Variants in SUSD6 observed in about 807,000 individuals in gnomAD.
SUSD6 encodes sushi domain-containing protein 6.
Under a neutral mutation model 28.4 loss-of-function variants are expected in SUSD6, and 16 were observed. That is an observed-to-expected ratio of 0.56 (90% CI 0.38 to 0.86). SUSD6 has a LOEUF of 0.86. Among genes scored for constraint, SUSD6 ranks in the 40% least tolerant of loss-of-function variants. SUSD6 has a pLI of 0.00. For missense variants in SUSD6, 341 were observed against 384.2 expected (o/e 0.89, Z 0.94); for synonymous variants, 147 against 159.6 (o/e 0.92, Z 0.59).
intron 2 of SUSD6, among the ~76,000 whole-genome samples, chr14:69,667,176 T>C (rs182553409): frequency 6.6e-6 from 1 of 152,300 alleles, no homozygotes; most frequent in East Asian, 1.9e-4. Flanking sequence ...AGGATCAGCC[T>C]GTCAGTGTTT....
chr14:69,631,173 CAT>C (rs1885187317), intron 1 of SUSD6, among the ~76,000 whole-genome samples: 1 of 152,232 alleles, frequency 6.6e-6, no homozygotes, highest in South Asian at 2.1e-4. Flanking sequence ...TCAGCCCTCA[CAT>C]GTGCATGTTC....
chr14:69,708,976 A>C lies in SUSD6; in HGVS notation c.758A>C (p.His253Pro), dbSNP rs141133164. 207 of 1,614,076 alleles carry C rather than the reference A, an allele frequency of 1.3e-4. No individual in the cohort carries two copies. The highest frequency in any genetic ancestry group is 1.6e-4 in the Non-Finnish European group (192 of 1,180,044). Reference sequence around the variant, plus strand: ...CGGGCCTCAGAGACTGTGATGGTGCATCAGGCAACCACCTCTTCCTGGGTG... The same window carrying C: ...CGGGCCTCAGAGACTGTGATGGTGCCTCAGGCAACCACCTCTTCCTGGGTG... ...GSRASETVMV[H>P]QATTSSWVAG... The change falls in exon 5 of 6, where the codon CAT becomes CCT. Residue 253 changes from histidine to proline, a missense_variant. Coordinates refer to ENST00000342745, the MANE Select transcript of SUSD6 (RefSeq NM_014734.4).
chr14:69,641,069 A>G (rs1885344578), intron 1 of SUSD6, among the ~76,000 whole-genome samples: 1 of 152,250 alleles, frequency 6.6e-6, no homozygotes, highest in Admixed American at 6.5e-5. Flanking sequence ...TAGTGATGGA[A>G]TGGAGCCTCC....
chr14:69,649,978 A>G (rs1347181091), intron 1 of SUSD6, among the ~76,000 whole-genome samples: 1 of 152,228 alleles, frequency 6.6e-6, no homozygotes, highest in African/African-American at 2.4e-5. Flanking sequence ...GTATGTGTAT[A>G]TTCCCTTAGT....
At chr14:69,640,091 G>C (rs997984467) in intron 1 of SUSD6, among the ~76,000 whole-genome samples, 5 of 149,198 alleles carry the variant, frequency 3.4e-5, no homozygotes, top group Non-Finnish European at 5.9e-5. Context: ...GAGGAACCAC[G>C]AAACTATTAA....
chr14:69,649,777 T>G (rs1466794423), intron 1 of SUSD6, among the ~76,000 whole-genome samples: 2 of 152,306 alleles, frequency 1.3e-5, no homozygotes, highest in African/African-American at 4.8e-5. Context: ...GAGCCTTCCA[T>G]GCCTTTGGGC....
chr14:69,615,198 C>G (rs1225228942), intron 1 of SUSD6, among the ~76,000 whole-genome samples: 2 of 152,072 alleles, frequency 1.3e-5, no homozygotes, highest in Non-Finnish European at 2.9e-5. Flanking sequence ...GGGACAAATG[C>G]AAAACTAGGG....
At chr14:69,672,244 C>T (rs1041175531) in intron 2 of SUSD6, among the ~76,000 whole-genome samples, 19 of 152,256 alleles carry the variant, frequency 1.2e-4, no homozygotes, top group East Asian at 1.9e-4. Context: ...AAAGCTTGGA[C>T]TTCTAAATGT....
chr14:69,667,522 A>G (rs1049960618), intron 2 of SUSD6, among the ~76,000 whole-genome samples: 1 of 147,636 alleles, frequency 6.8e-6, no homozygotes, highest in Non-Finnish European at 1.5e-5. Flanking sequence ...GACTACAGAC[A>G]CCCGCCGCCA....
chr14:69,685,354 G>A (rs146047008), intron 2 of SUSD6, among the ~76,000 whole-genome samples: 4 of 152,226 alleles, frequency 2.6e-5, no homozygotes, highest in African/African-American at 9.6e-5. Context: ...TTATTCCACT[G>A]CAAGGTCTGG....
chr14:69,638,423 A>AGTGTGTGTGTGTGT lies in SUSD6; in HGVS notation c.-80-20067_-80-20054dup, dbSNP rs10637124. ...GGTTCTGAACTGGGGTGGGGTGGGGAGTGTGTGTGTGTGTGTGTGTGTGTG... is the reference window on the plus strand; with the variant it reads ...GGTTCTGAACTGGGGTGGGGTGGGGAGTGTGTGTGTGTGTGTGTGTGTGTGTGTGTGTGTGTGTG... On this transcript the variant is annotated intron_variant, in intron 1 of 5. Coordinates refer to ENST00000342745, the MANE Select transcript of SUSD6 (RefSeq NM_014734.4). Among the ~76,000 whole-genome samples the AGTGTGTGTGTGTGT allele has an allele frequency of 3.0e-3, 422 of 139,228 alleles. 2 individuals carry two copies. Among genetic ancestry groups the AGTGTGTGTGTGTGT allele is most frequent in the African/African-American group, 7.6e-3 (278 of 36,700 alleles). 91.3% of individuals were successfully genotyped at this position (139,228 alleles called of 152,430 possible). A position where few individuals can be genotyped will look rare whatever the true frequency, so the allele number is the denominator to read the frequency against.
intron 1 of SUSD6, among the ~76,000 whole-genome samples, chr14:69,629,835 A>G (rs76805441): frequency 0.046 from 7,047 of 152,288 alleles, 235 homozygotes; most frequent in Non-Finnish European, 0.068. Context: ...GTATATGAAA[A>G]TGATGGAGGC....
chr14:69,641,488 A>G (rs899991053), intron 1 of SUSD6, among the ~76,000 whole-genome samples: 17 of 151,536 alleles, frequency 1.1e-4, no homozygotes, highest in African/African-American at 3.9e-4. Context: ...CAAATTTACT[A>G]TTTTTTTCTT....
chr14:69,651,971 GAA>G (rs932948855), intron 1 of SUSD6, among the ~76,000 whole-genome samples: 3 of 152,138 alleles, frequency 2.0e-5, no homozygotes, highest in African/African-American at 7.2e-5. Context: ...CATGTTTCTG[GAA>G]CTGTTCTTTG....
At chr14:69,662,423 T>C (rs957978937) in intron 2 of SUSD6, among the ~76,000 whole-genome samples, 3 of 152,200 alleles carry the variant, frequency 2.0e-5, no homozygotes, top group Admixed American at 6.5e-5. Context: ...AATTACATCA[T>C]GTTTAAAGTT....
intron 1 of SUSD6, among the ~76,000 whole-genome samples, chr14:69,656,172 C>G (rs541985205): frequency 3.6e-5 from 5 of 140,676 alleles, no homozygotes; most frequent in East Asian, 4.1e-4. Flanking sequence ...CCCTCCCTCC[C>G]TATTCCTCCA....
At chr14:69,632,998 TCTC>T (rs1270483720) in intron 1 of SUSD6, among the ~76,000 whole-genome samples, 2 of 152,174 alleles carry the variant, frequency 1.3e-5, no homozygotes, top group Non-Finnish European at 2.9e-5. Flanking sequence ...AGAACACGGT[TCTC>T]CTCTCCGGTG....
chr14:69,705,378 C>T (rs966447632), intron 4 of SUSD6, among the ~76,000 whole-genome samples: 1 of 151,924 alleles, frequency 6.6e-6, no homozygotes, highest in African/African-American at 2.4e-5. Flanking sequence ...ATGTCATTTC[C>T]CCTACACCAG....
At chr14:69,654,791 GT>G (rs1362632614) in intron 1 of SUSD6, among the ~76,000 whole-genome samples, 1,319 of 32,376 alleles carry the variant, frequency 0.041, 7 homozygotes, top group African/African-American at 0.045. Flanking sequence ...TTTTTTTTTG[GT>G]GTGTGTGTGT....
Sources: gnomAD v4.1 joint callset for allele counts (sites outside exome capture counted in the v4.1 genomes callset) on GRCh38, gnomAD v4.1.1 for gene constraint, MANE v1.5 for transcripts, NCBI Gene and HGNC (gene_info 2026-07-23, HGNC 2026-07-21) for gene names.